Variants in RIF1 observed in about 807,000 individuals in gnomAD.
RIF1 encodes the protein telomere-associated protein RIF1.
In RIF1, 45 loss-of-function variants were observed where a neutral mutation model predicts 247.1. The observed-to-expected ratio is 0.18, with a 90% CI of 0.14 to 0.23. The LOEUF (loss-of-function observed/expected upper bound fraction) is 0.23, where lower values mean the gene tolerates loss of function less well. Ranked by LOEUF, RIF1 falls within the 10% of genes least tolerant of loss-of-function variation. The pLI is 1.00. For missense variants in RIF1, 2,967 were observed against 2,862.5 expected, an observed-to-expected ratio of 1.04 and a Z score of -0.83; for synonymous variants, 1,087 against 978.8, an observed-to-expected ratio of 1.11 and a Z score of -2.06.
chr2:151,519,519 G>A, the RIF1 span: 1 of 675,194 alleles, frequency 1.5e-6, no homozygotes, highest in East Asian at 2.7e-5. Context: ...AGTTTCTGTT[G>A]GTATGAAAAC....
intron 18 of RIF1, among the ~76,000 whole-genome samples, chr2:151,443,946 A>T (rs548588537): frequency 3.3e-5 from 5 of 152,334 alleles, no homozygotes; most frequent in African/African-American, 9.6e-5. Context: ...TTATAAACCT[A>T]GAAGGCTCAC....
chr2:151,505,668 A>T, intron 12 of RIF1: 1 of 996,250 alleles, frequency 1.0e-6, no homozygotes, highest in Non-Finnish European at 1.6e-6. Flanking sequence ...AAATTAAAAA[A>T]ATTAACAGTG....
At chr2:151,526,051 A>G in the RIF1 span, 50 of 1,613,784 alleles carry the variant, frequency 3.1e-5, no homozygotes, top group Non-Finnish European at 3.6e-5. Context: ...GCTTCTTGAC[A>G]TGGTCCTTGT....
At chr2:151,441,736 A>G (rs1692326430) in intron 15 of RIF1, among the ~76,000 whole-genome samples, 169 bp from the exon 16 acceptor site, 1 of 152,248 alleles carries the variant, frequency 6.6e-6, no homozygotes, top group Non-Finnish European at 1.5e-5. Context: ...GGATGCAGAT[A>G]TATTCATGTT....
intron 27 of RIF1, 131 bp from the exon 28 acceptor site, chr2:151,462,111 A>G (rs1243229279): frequency 2.1e-6 from 1 of 479,182 alleles, no homozygotes; most frequent in Non-Finnish European, 3.6e-6. Context: ...GAGCTCAAGC[A>G]GCCCACCCAC....
rs78879803 is a variant in RIF1 at position 151,464,017 on chromosome 2, T to G, written c.4497T>G (p.Thr1499=). The G allele has an allele frequency of 1.5e-3, 2,443 of 1,609,082 alleles. 30 individuals are homozygous for G. The African/African-American group carries it at 0.03, about 20-fold the overall frequency. ...GGGAAACTAGTGCTAATGCAGAAAC[T>G]GAACAAAATAAAAAAAAGGCAGACC... ...TLGETSANAE[T]EQNKKKADPE... The change falls in exon 30 of 36, where the codon ACT becomes ACG. Residue 1499 remains threonine, a synonymous_variant. Transcript: ENST00000444746.
intron 20 of RIF1, among the ~76,000 whole-genome samples, chr2:151,448,796 C>A (rs962326537): frequency 6.6e-6 from 1 of 152,192 alleles, no homozygotes; most frequent in Non-Finnish European, 1.5e-5. Context: ...TGGTGATTAT[C>A]TCTGGGATCT....
At chr2:151,418,576 T>G (rs1338847254) in intron 6 of RIF1, among the ~76,000 whole-genome samples, 2 of 152,084 alleles carry the variant, frequency 1.3e-5, no homozygotes, top group African/African-American at 4.8e-5. Flanking sequence ...CCAGGCACAG[T>G]GGTTCAGGCC....
At chr2:151,516,926 T>C in the RIF1 span, among the ~76,000 whole-genome samples, 1 of 152,232 alleles carries the variant, frequency 6.6e-6, no homozygotes, top group Non-Finnish European at 1.5e-5. Context: ...TTTAAAATTA[T>C]TAATGCTATT....
chr2:151,514,963 A>C, the RIF1 span: 2 of 1,382,408 alleles, frequency 1.4e-6, no homozygotes, highest in Non-Finnish European at 1.0e-6. Flanking sequence ...AAGTTAAAAA[A>C]AAATCTTTAT....
At chr2:151,462,534 C>T in intron 29 of RIF1, 68 bp downstream of exon 29, 1 of 978,100 alleles carries the variant, frequency 1.0e-6, no homozygotes, top group Non-Finnish European at 1.5e-6. Context: ...TGTTAAACTG[C>T]TGAAATGTCT....
downstream of RIF1, chr2:151,486,217 G>C: frequency 3.2e-6 from 1 of 310,280 alleles, no homozygotes. Context: ...CTCCAAAAAA[G>C]ATAGACAAAT....
the RIF1 span, chr2:151,534,286 C>T: frequency 3.7e-6 from 6 of 1,613,658 alleles, no homozygotes; most frequent in African/African-American, 8.0e-5. Context: ...TGGTATTTAT[C>T]TTTCCGCTGC....
rs138817656 is a variant in RIF1 at position 151,480,284 on chromosome 2, C to G, written c.*5213C>G. On this transcript the variant is annotated 3_prime_UTR_variant, in exon 36 of 36. Coordinates refer to ENST00000444746, the MANE Select transcript of RIF1 (RefSeq NM_018151.5). ...CTTGTAGCAGAGGGAATATTTTTGG[C>G]CACAGTGTGCCAATTTATAATTGTA... The G allele has an allele frequency of 4.6e-5, 7 of 152,146 alleles. No homozygotes were observed. The highest frequency in any genetic ancestry group is 1.7e-4 in the African/African-American group (7 of 41,432). 9.4% of individuals were successfully genotyped at this position (152,146 alleles called of 1,614,324 possible). A position where few individuals can be genotyped will look rare whatever the true frequency, so the allele number is the denominator to read the frequency against.
chr2:151,411,172 AT>A, intron 2 of RIF1, 87 bp from the exon 3 acceptor site: 1 of 830,800 alleles, frequency 1.2e-6, no homozygotes, highest in Non-Finnish European at 2.0e-6. Context: ...TTAGAAAGTA[AT>A]TTTTAAAAAG....
At chr2:151,467,662 GTCT>G (rs1426593277) in intron 30 of RIF1, among the ~76,000 whole-genome samples, 3 of 152,120 alleles carry the variant, frequency 2.0e-5, no homozygotes, top group African/African-American at 7.2e-5. Flanking sequence ...TTTTACATCA[GTCT>G]TCTTTCTAGT....
At chr2:151,462,543 C>A in intron 29 of RIF1, 77 bp downstream of exon 29, 1 of 895,466 alleles carries the variant, frequency 1.1e-6, no homozygotes, top group Non-Finnish European at 1.7e-6. Context: ...GCTGAAATGT[C>A]TGTAGGTCTT....
intron 10 of RIF1, chr2:151,499,210 G>A (rs1360456867): frequency 1.5e-6 from 1 of 668,782 alleles, no homozygotes; most frequent in Non-Finnish European, 2.4e-6. Context: ...TTTTTATTGG[G>A]ATGAGTTGAT....
At position 151,463,631 on chromosome 2, in the gene RIF1, A is replaced by C. The variant is rs769296874; in HGVS notation, c.4111A>C (p.Asn1371His). The C allele has an allele frequency of 2.2e-5, 35 of 1,613,704 alleles. No homozygotes were observed. The highest frequency in any genetic ancestry group is 1.6e-4 in the Middle Eastern group (1 of 6,084). ...TVENAVLLET[N>H]TVEEKNVEIN... ...GGAAAATGCTGTATTATTGGAAACT[A>C]ATACTGTAGAGGAGAAAAATGTAGA... is the stretch of plus-strand genomic sequence containing the variant. The change falls in exon 30 of 36, where the codon AAT becomes CAT. Residue 1371 changes from asparagine (N) to histidine (H), a missense_variant. Asn to His is a moderately conservative substitution (Grantham distance 68). This residue lies in a region of RIF1 where 2,028 missense variants were observed against 1,825.6 expected (regional missense o/e 1.11). Transcript: ENST00000444746.
Sources: gnomAD v4.1 joint callset for allele counts (sites outside exome capture counted in the v4.1 genomes callset) on GRCh38, gnomAD v4.1.1 for gene constraint, gnomAD v4.1.1 regional missense constraint, MANE v1.5 for transcripts, NCBI Gene and HGNC (gene_info 2026-07-23, HGNC 2026-07-21) for gene names.